EPHA5: variants seen among roughly 807,000 people sequenced by gnomAD.
The protein encoded by EPHA5 is EPH receptor A5.
A neutral mutation model predicts 105.0 loss-of-function variants in EPHA5; 60 were observed. The ratio of observed to expected loss-of-function variants is 0.57; its 90% CI spans 0.46 to 0.71. The LOEUF is 0.71. EPHA5 is among the 30% of genes least tolerant of loss of function. EPHA5 has a pLI of 0.00. For missense variants in EPHA5, 1,218 were observed against 1,274.7 expected (o/e 0.96, Z 0.68); for synonymous variants, 513 against 449.1 (o/e 1.14, Z -1.80).
At chr4:65,648,264 C>T (rs927516255) in intron 1 of EPHA5, among the ~76,000 whole-genome samples, 3 of 152,204 alleles carry the variant, frequency 2.0e-5, no homozygotes, top group African/African-American at 7.2e-5. Context: ...AACTTTCAAA[C>T]ATTCTAACTT....
intron 1 of EPHA5, among the ~76,000 whole-genome samples, chr4:65,660,698 G>C (rs760020957): frequency 1.3e-5 from 2 of 152,068 alleles, no homozygotes; most frequent in African/African-American, 2.4e-5. Flanking sequence ...GACCATGGTT[G>C]AGCTGGGTTC....
intron 3 of EPHA5, among the ~76,000 whole-genome samples, chr4:65,541,570 A>C (rs1013352986): frequency 2.0e-5 from 3 of 152,002 alleles, no homozygotes; most frequent in Admixed American, 1.3e-4. Context: ...AGATATATGC[A>C]CCCAACACAG....
At chr4:65,333,584 A>T (rs1381856631) in intron 15 of EPHA5, among the ~76,000 whole-genome samples, 22 of 95,176 alleles carry the variant, frequency 2.3e-4, no homozygotes, top group South Asian at 7.0e-4. Flanking sequence ...TGTGTGCTGG[A>T]TTCCCCTCAA....
intron 5 of EPHA5, among the ~76,000 whole-genome samples, chr4:65,436,357 C>T (rs561981438): frequency 6.6e-6 from 1 of 152,052 alleles, no homozygotes; most frequent in East Asian, 1.9e-4. Context: ...AACAGACACA[C>T]ACACACACAC....
intron 3 of EPHA5, among the ~76,000 whole-genome samples, chr4:65,546,366 G>GA (rs1279600906): frequency 3.3e-5 from 5 of 151,816 alleles, no homozygotes; most frequent in African/African-American, 9.7e-5. Context: ...AAGGTGTCCA[G>GA]AAAAAATATG....
At chr4:65,590,552 G>A (rs1338471861) in intron 3 of EPHA5, among the ~76,000 whole-genome samples, 1 of 152,018 alleles carries the variant, frequency 6.6e-6, no homozygotes, top group Non-Finnish European at 1.5e-5. Context: ...ATAATAATTG[G>A]CATGTCTTTC....
intron 3 of EPHA5, among the ~76,000 whole-genome samples, chr4:65,498,755 A>T (rs1261708429): frequency 6.6e-6 from 1 of 151,794 alleles, no homozygotes; most frequent in Non-Finnish European, 1.5e-5. Context: ...GAAGATAATG[A>T]GTAATATGTA....
At chr4:65,603,614 C>A (rs908808824) in intron 2 of EPHA5, among the ~76,000 whole-genome samples, 1 of 149,944 alleles carries the variant, frequency 6.7e-6, no homozygotes, top group Non-Finnish European at 1.5e-5. Flanking sequence ...TCAGATGGCT[C>A]CTCTCGAAAT....
At chr4:65,340,126 C>T (rs1721572558) in intron 14 of EPHA5, among the ~76,000 whole-genome samples, 1 of 152,124 alleles carries the variant, frequency 6.6e-6, no homozygotes, top group African/African-American at 2.4e-5. Context: ...AACATGGTCT[C>T]ATTCAAGTAG....
intron 3 of EPHA5, among the ~76,000 whole-genome samples, chr4:65,550,664 G>A (rs545124603): frequency 1.3e-3 from 194 of 151,960 alleles, no homozygotes; most frequent in Non-Finnish European, 2.4e-3. Flanking sequence ...GTGAAACCCC[G>A]TCTCTACTAA....
intron 15 of EPHA5, among the ~76,000 whole-genome samples, chr4:65,333,943 A>G (rs1244416758): frequency 6.6e-6 from 1 of 151,458 alleles, no homozygotes; most frequent in Non-Finnish European, 1.5e-5. Context: ...TTTTTCTCAA[A>G]ACCTATCATT....
At chr4:65,573,903 A>G (rs1183306846) in intron 3 of EPHA5, 1 of 1,610,926 alleles carries the variant, frequency 6.2e-7, no homozygotes, top group East Asian at 2.2e-5. Flanking sequence ...TACCCCCGGG[A>G]CCATTCTGAT....
At position 65,402,387 on chromosome 4, in the gene EPHA5, G is replaced by A. The variant is rs549393389; in HGVS notation, c.1793+1987C>T. 9.9e-5 allele frequency among the ~76,000 whole-genome samples: 15 copies of A among 152,240 alleles called. No homozygotes were observed. In the South Asian group the frequency reaches 2.9e-3, roughly 29 times the overall value. On this transcript the variant is annotated intron_variant, in intron 8 of 16. Transcript: ENST00000613740. ...GATACTATCCTTCGGTTACCAAATA[G>A]TAAGTAGATTGAAAGTTCTTTCAAA...
At chr4:65,434,896 T>C (rs1221470210) in intron 5 of EPHA5, among the ~76,000 whole-genome samples, 1 of 152,122 alleles carries the variant, frequency 6.6e-6, no homozygotes, top group Admixed American at 6.6e-5. Context: ...ATGTGATTTT[T>C]TCAGCCTGTT....
rs569319262 is a variant in EPHA5, at chr4:65,365,922, A to T, written c.1987+10T>A. 158 of 1,597,316 alleles carry T rather than the reference A, an allele frequency of 9.9e-5. 1 individual carries two copies. In the East Asian group the frequency reaches 2.8e-3, roughly 28 times the overall value. On this transcript the variant is annotated intron_variant, in intron 10 of 16. Coordinates refer to ENST00000613740, the MANE Select transcript of EPHA5 (RefSeq NM_001281766.3). ...AAAGTTAAAAATGAAAGTCAAACAC[A>T]TTGTCGTACCTGCTCCAATAACTCT...
chr4:65,574,372 T>C, intron 3 of EPHA5: 6 of 830,026 alleles, frequency 7.2e-6, no homozygotes, highest in Non-Finnish European at 9.8e-6. Flanking sequence ...AAAAAAAAAA[T>C]AATAATAATA....
chr4:65,324,283 G>T, intron 16 of EPHA5, 64 bp from the exon 17 acceptor site: 1 of 1,127,724 alleles, frequency 8.9e-7, no homozygotes, highest in Non-Finnish European at 1.3e-6. Flanking sequence ...AATATTTCAT[G>T]TTGGCAAAGG....
chr4:65,571,965 A>G (rs1225035266), intron 3 of EPHA5, among the ~76,000 whole-genome samples: 1 of 152,048 alleles, frequency 6.6e-6, no homozygotes, highest in African/African-American at 2.4e-5. Flanking sequence ...CAAAATAATT[A>G]TTAAAATTTT....
chr4:65,512,252 T>C (rs959039201), intron 3 of EPHA5, among the ~76,000 whole-genome samples: 2 of 152,100 alleles, frequency 1.3e-5, no homozygotes, highest in African/African-American at 4.8e-5. Context: ...TTATTAAAAA[T>C]ATTTAATATG....
Sources: allele counts gnomAD v4.1 joint callset (sites outside exome capture counted in the v4.1 genomes callset), GRCh38; gene constraint gnomAD v4.1.1; transcripts MANE v1.5; gene names NCBI Gene and HGNC (gene_info 2026-07-23, HGNC 2026-07-21).